Variants in AAMDC observed in about 807,000 individuals in gnomAD.
AAMDC encodes adipogenesis associated Mth938 domain containing.
AAMDC carries 16 observed loss-of-function variants against 15.5 expected under a neutral mutation model. The ratio of observed to expected loss-of-function variants is 1.03; its 90% CI spans 0.70 to 1.57. AAMDC has a LOEUF of 1.57. AAMDC is among the 40% of genes most tolerant of loss of function. The probability of loss-of-function intolerance (pLI) is 0.00; values close to 1 mark genes in which losing one functional copy is unlikely to be tolerated. For synonymous variants in AAMDC, 51 were observed against 51.6 expected (o/e 0.99, Z 0.05); for missense variants, 141 against 144.9 (o/e 0.97, Z 0.14).
At chr11:77,867,898 T>A (rs911586564) in intron 2 of AAMDC, among the ~76,000 whole-genome samples, 1 of 152,070 alleles carries the variant, frequency 6.6e-6, no homozygotes, top group Non-Finnish European at 1.5e-5. Context: ...ATTAGGAAGT[T>A]CAGAAAAAAA....
intron 5 of AAMDC, among the ~76,000 whole-genome samples, chr11:77,881,746 C>A (rs1951800634): frequency 1.3e-5 from 2 of 152,182 alleles, no homozygotes; most frequent in Non-Finnish European, 2.9e-5. Context: ...AAGTTCCCTG[C>A]TCTATAGAAG....
At chr11:77,822,635 G>C (rs1423560779) in intron 1 of AAMDC, among the ~76,000 whole-genome samples, 1 of 151,940 alleles carries the variant, frequency 6.6e-6, no homozygotes, top group Admixed American at 6.6e-5. Flanking sequence ...TCTAAAGAAA[G>C]AATACTCAAT....
chr11:77,821,287 G>T, intron 1 of AAMDC, 46 bp downstream of exon 1: 1 of 195,520 alleles, frequency 5.1e-6, no homozygotes. Flanking sequence ...AGATGGTGGA[G>T]AGGTTGAGGA....
At chr11:77,890,957 A>G (rs2136391153) in intron 5 of AAMDC, among the ~76,000 whole-genome samples, 1 of 152,330 alleles carries the variant, frequency 6.6e-6, no homozygotes, top group South Asian at 2.1e-4. Flanking sequence ...CCTGAAAGGA[A>G]CTTGTTTATT....
intron 1 of AAMDC, chr11:77,829,667 G>C (rs931977052): frequency 1.3e-5 from 2 of 152,064 alleles, no homozygotes; most frequent in Admixed American, 6.5e-5. Context: ...GAAAACAAGG[G>C]TAAATCTTTA....
intron 2 of AAMDC, among the ~76,000 whole-genome samples, chr11:77,861,293 G>C (rs1950866131): frequency 6.6e-6 from 1 of 152,202 alleles, no homozygotes; most frequent in South Asian, 2.1e-4. Flanking sequence ...TGTGAAAAGA[G>C]TAAAGTTCCC....
chr11:77,886,660 G>A (rs1175316446), intron 5 of AAMDC, among the ~76,000 whole-genome samples: 5 of 152,194 alleles, frequency 3.3e-5, no homozygotes, highest in African/African-American at 4.8e-5. Flanking sequence ...TGGGCTTGGC[G>A]GAATCAGCAG....
chr11:77,829,936 A>G (rs926365181), intron 1 of AAMDC: 3 of 152,238 alleles, frequency 2.0e-5, no homozygotes, highest in Admixed American at 6.5e-5. Flanking sequence ...ATTTGAGACC[A>G]TCCTGGGAAA....
At chr11:77,855,078 G>A (rs1451308003) in intron 2 of AAMDC, among the ~76,000 whole-genome samples, 3 of 152,150 alleles carry the variant, frequency 2.0e-5, no homozygotes, top group African/African-American at 4.8e-5. Context: ...TAGAGCTGGA[G>A]TGGCCGTGAT....
intron 5 of AAMDC, among the ~76,000 whole-genome samples, chr11:77,884,372 G>C (rs1167346357): frequency 6.6e-6 from 1 of 152,150 alleles, no homozygotes; most frequent in Non-Finnish European, 1.5e-5. Flanking sequence ...ATTGCAAGCA[G>C]CTAGGAAGTC....
chr11:77,855,679 A>G (rs1394357348), intron 2 of AAMDC, among the ~76,000 whole-genome samples: 1 of 145,512 alleles, frequency 6.9e-6, no homozygotes, highest in Non-Finnish European at 1.5e-5. Flanking sequence ...TCAAACCTTT[A>G]TAATCTGCTT....
intron 2 of AAMDC, among the ~76,000 whole-genome samples, chr11:77,856,991 C>G (rs1448116850): frequency 3.9e-5 from 6 of 152,156 alleles, no homozygotes; most frequent in Non-Finnish European, 5.9e-5. Flanking sequence ...CATTTAAACT[C>G]AAATATTCTA....
chr11:77,823,621 CAAAAAA>C (rs397970373), intron 1 of AAMDC, among the ~76,000 whole-genome samples: 1,135 of 97,640 alleles, frequency 0.012, 10 homozygotes, highest in Middle Eastern at 0.041. Flanking sequence ...CACCCTGTCT[CAAAAAA>C]AAAAAAAAAA....
chr11:77,877,138 G>T (rs1379931369), downstream of AAMDC: 5 of 661,530 alleles, frequency 7.6e-6, no homozygotes, highest in East Asian at 1.1e-4. Context: ...GAAATAGACT[G>T]CCTGGAAATA....
downstream of AAMDC, among the ~76,000 whole-genome samples, chr11:77,874,165 C>G (rs1032269672): frequency 2.0e-5 from 3 of 152,198 alleles, no homozygotes; most frequent in Non-Finnish European, 2.9e-5. Context: ...TCCTTGCTCC[C>G]TAGAAGCAGA....
intron 1 of AAMDC, among the ~76,000 whole-genome samples, chr11:77,823,139 C>T (rs1357742147): frequency 7.4e-6 from 1 of 134,624 alleles, no homozygotes; most frequent in South Asian, 2.4e-4. Context: ...GGCATGGACC[C>T]GGGAGGCGGA....
chr11:77,903,299 G>A (rs1029114699), downstream of AAMDC, among the ~76,000 whole-genome samples: 23 of 152,258 alleles, frequency 1.5e-4, no homozygotes, highest in African/African-American at 4.6e-4. Flanking sequence ...CTCTGGCTCC[G>A]CCTTGGACCA....
intron 1 of AAMDC, among the ~76,000 whole-genome samples, chr11:77,827,804 G>C (rs1949247323): frequency 6.6e-6 from 1 of 152,126 alleles, no homozygotes; most frequent in Non-Finnish European, 1.5e-5. Context: ...AAGGCATCCA[G>C]ATTGGCATGG....
At chr11:77,890,120 G>T (rs1450256364) in intron 5 of AAMDC, among the ~76,000 whole-genome samples, 1 of 152,182 alleles carries the variant, frequency 6.6e-6, no homozygotes, top group Non-Finnish European at 1.5e-5. Flanking sequence ...CTAAAGTGCA[G>T]TGAAGGTGGA....
Sources: allele counts gnomAD v4.1 joint callset (sites outside exome capture counted in the v4.1 genomes callset), GRCh38; gene constraint gnomAD v4.1.1; transcripts MANE v1.5; gene names NCBI Gene and HGNC (gene_info 2026-07-23, HGNC 2026-07-21).